Variants in ABCA12 observed in about 807,000 individuals in gnomAD.
ABCA12 encodes the protein glucosylceramide transporter ABCA12.
ABCA12 carries 156 observed loss-of-function variants against 293.5 expected under a neutral mutation model. The observed-to-expected ratio is 0.53, with a 90% CI of 0.47 to 0.61. ABCA12 has a LOEUF of 0.61. Among genes scored for constraint, ABCA12 ranks in the 20% least tolerant of loss-of-function variants. The pLI, the probability that ABCA12 is intolerant of heterozygous loss-of-function variation, is 0.00. For synonymous variants in ABCA12, 1,063 were observed against 1,108.0 expected (o/e 0.96, Z 0.81); for missense variants, 2,797 against 3,090.2 (o/e 0.91, Z 2.25).
At chr2:214,973,843 T>C in intron 36 of ABCA12, 106 bp downstream of exon 36, 1 of 979,494 alleles carries the variant, frequency 1.0e-6, no homozygotes, top group South Asian at 1.3e-5. Flanking sequence ...CTAGCTTCCA[T>C]AAAATGAACT....
intron 2 of ABCA12, chr2:215,075,835 A>C (rs540585942): frequency 4.8e-6 from 2 of 420,788 alleles, no homozygotes; most frequent in Admixed American, 4.3e-5. Flanking sequence ...TATGGTGTAA[A>C]ACTAAAAGCC....
chr2:215,052,640 G>T, intron 4 of ABCA12, 56 bp from the exon 5 acceptor site: 1 of 1,398,254 alleles, frequency 7.2e-7, no homozygotes. Context: ...CAAATGCACA[G>T]GACCACATGA....
intron 2 of ABCA12, among the ~76,000 whole-genome samples, chr2:215,070,633 T>C (rs1270938929): frequency 6.7e-6 from 1 of 148,914 alleles, no homozygotes; most frequent in African/African-American, 2.5e-5. Context: ...GAACATGCGG[T>C]GTTTGTTTTT....
chr2:215,118,755 A>G lies in ABCA12; in HGVS notation c.70-7065T>C, dbSNP rs929067944. On this transcript the variant is annotated intron_variant, in intron 1 of 52. Coordinates refer to ENST00000272895, the MANE Select transcript of ABCA12 (RefSeq NM_173076.3). Reference sequence around the variant, plus strand: ...AATTACAGCTAATTTGCATTTCTCTATGATTAGTGAGGATGAGCATTCTTA... The same window carrying G: ...AATTACAGCTAATTTGCATTTCTCTGTGATTAGTGAGGATGAGCATTCTTA... 7.2e-5 allele frequency among the ~76,000 whole-genome samples: 11 copies of G among 152,286 alleles called. No individual in the cohort carries two copies. In the East Asian group the frequency reaches 1.9e-3, roughly 27 times the overall value.
At chr2:215,066,429 T>A (rs1251933754) in intron 2 of ABCA12, among the ~76,000 whole-genome samples, 1 of 152,004 alleles carries the variant, frequency 6.6e-6, no homozygotes, top group Non-Finnish European at 1.5e-5. Flanking sequence ...AAAAGCCATA[T>A]TGCAATACAA....
rs1431871675 is a variant in ABCA12 at position 215,064,326 on chromosome 2, T to C, written c.164-107A>G. 3.3e-6 allele frequency: 4 copies of C among 1,204,126 alleles called. No individual in the cohort carries two copies. The East Asian group carries it at 1.0e-4, about 30-fold the overall frequency. 74.6% of individuals were successfully genotyped at this position (1,204,126 alleles called of 1,614,324 possible). ...AAGTTAACCTCCTGGATTACCACTC[T>C]CCGGGTCCCCCAACTGAGCCCCAAC... On this transcript the variant is annotated intron_variant, in intron 2 of 52. Transcript: ENST00000272895.
At chr2:214,957,610 G>T (rs145613772) in intron 41 of ABCA12, among the ~76,000 whole-genome samples, 2 of 152,124 alleles carry the variant, frequency 1.3e-5, no homozygotes, top group Admixed American at 6.5e-5. Context: ...CCTTTAAGCC[G>T]ATGATCTTGA....
rs563813333 is a variant in ABCA12, at chr2:215,107,259, C to T, written c.163+4338G>A. On this transcript the variant is annotated intron_variant, in intron 2 of 52. Coordinates refer to ENST00000272895, the MANE Select transcript of ABCA12 (RefSeq NM_173076.3). ...TTAAAGGGAGACAAAATAAGCTTGC[C>T]GCACATTACAGCTTGGCTTAGTCTA... 7.2e-5 allele frequency among the ~76,000 whole-genome samples: 11 copies of T among 152,212 alleles called. No homozygotes were observed. The East Asian group carries it at 1.5e-3, about 21-fold the overall frequency.
At chr2:214,939,013 TA>T (rs1343735038) in intron 50 of ABCA12, among the ~76,000 whole-genome samples, 1 of 152,226 alleles carries the variant, frequency 6.6e-6, no homozygotes, top group Non-Finnish European at 1.5e-5. Flanking sequence ...TTTGGTGTTT[TA>T]GTCATGAAGT....
intron 2 of ABCA12, among the ~76,000 whole-genome samples, chr2:215,079,156 C>A: frequency 6.6e-6 from 1 of 152,286 alleles, no homozygotes; most frequent in African/African-American, 2.4e-5. Context: ...GCAGAGATAA[C>A]AGATACTAAA....
chr2:214,986,748 A>G lies in ABCA12; in HGVS notation c.3977-20T>C. 2 of 1,611,512 alleles carry G rather than the reference A, an allele frequency of 1.2e-6. No individual in the cohort carries two copies. The highest frequency in any genetic ancestry group is 1.7e-6 in the Non-Finnish European group (2 of 1,177,612). On this transcript the variant is annotated intron_variant, in intron 27 of 52. Coordinates refer to ENST00000272895, the MANE Select transcript of ABCA12 (RefSeq NM_173076.3). ...CAGGACCTGGAGAGAAATCAAGGGA[A>G]GAGTTGTAAACTCACAAGTAAGGTA...
chr2:215,049,604 T>C lies in ABCA12; in HGVS notation c.693+22A>G, dbSNP rs762659558. ...CTTTAATTCATGTTGAGTCACTTTG[T>C]GGATCAAAGATCTACACTCACCTGG... is the stretch of plus-strand genomic sequence containing the variant. On this transcript the variant is annotated intron_variant, in intron 6 of 52. Transcript: ENST00000272895. 3.2e-6 allele frequency: 5 copies of C among 1,583,660 alleles called. No individual in the cohort carries two copies. In the East Asian group the frequency reaches 1.1e-4, roughly 36 times the overall value.
Position 215,004,473 on chromosome 2 carries a change from G to T in ABCA12, c.2593-174C>A, listed in dbSNP as rs145919757. 8.9e-4 allele frequency among the ~76,000 whole-genome samples: 135 copies of T among 152,322 alleles called. 1 individual carries two copies. Among genetic ancestry groups the T allele is most frequent in the Admixed American group, 2.1e-3 (32 of 15,294 alleles). ...GAAGAAAAGAGAAGATTGGGGGTTG[G>T]TAATGACTTGACAGGCTGGGCTGTT... On this transcript the variant is annotated intron_variant, in intron 19 of 52. Transcript: ENST00000272895.
intron 3 of ABCA12, among the ~76,000 whole-genome samples, chr2:215,056,400 A>G (rs1291724493): frequency 2.6e-5 from 4 of 152,110 alleles, no homozygotes; most frequent in Admixed American, 2.6e-4. Flanking sequence ...CTTGCTCAAC[A>G]GTAAAATGAC....
At chr2:215,130,890 T>A (rs1266712103) in intron 1 of ABCA12, among the ~76,000 whole-genome samples, 1 of 152,060 alleles carries the variant, frequency 6.6e-6, no homozygotes, top group African/African-American at 2.4e-5. Flanking sequence ...CATATATGAC[T>A]GTTATTATTT....
chr2:214,949,397 C>CAT (rs1698684366), intron 45 of ABCA12, among the ~76,000 whole-genome samples: 1 of 151,534 alleles, frequency 6.6e-6, no homozygotes, highest in African/African-American at 2.4e-5. Flanking sequence ...CACACACACA[C>CAT]ACACACAGGA....
At chr2:214,937,389 G>T (rs1407460089) in intron 51 of ABCA12, 121 bp downstream of exon 51, 1 of 693,048 alleles carries the variant, frequency 1.4e-6, no homozygotes, top group Non-Finnish European at 2.5e-6. Context: ...TGTAGAGACG[G>T]GGTTTCACCA....
chr2:214,956,708 C>T lies in ABCA12; in HGVS notation c.6188G>A (p.Ser2063Asn). Residue 2063 changes from serine (S) to asparagine (N), a missense_variant, in exon 42 of 53, where the codon AGT becomes AAT. By Grantham distance (46) the Ser-to-Asn change is conservative. Coordinates refer to ENST00000272895, the MANE Select transcript of ABCA12 (RefSeq NM_173076.3). ...AGATACAGCGCCTAGGTTGTTTTCACTGTAGAATGCAGGTAATTTGAAAAT... is the reference window on the plus strand; with the variant it reads ...AGATACAGCGCCTAGGTTGTTTTCATTGTAGAATGCAGGTAATTTGAAAAT... ...IAIFKLPAFY[S>N]ENNLGAVSLL... 6.2e-7 allele frequency: 1 copy of T among 1,613,588 alleles called. No individual in the cohort carries two copies. Among genetic ancestry groups the T allele is most frequent in the Middle Eastern group, 1.7e-4 (1 of 6,056 alleles).
rs779839539 is a variant in ABCA12, at chr2:214,989,614, A to G, written c.3632T>C (p.Leu1211Pro). 8 of 1,613,880 alleles carry G rather than the reference A, an allele frequency of 5.0e-6. No homozygotes were observed. The African/African-American group carries it at 1.1e-4, about 22-fold the overall frequency. ...TGCATAGCTGAATGCTGTTGGGGAC[A>G]GCAGGCTCTGTGAAGAAAGGAAACG... ...SYVLKVFMSL[L>P]SPTAFSYASQ... is the part of the protein sequence containing the mutation. The change falls in exon 25 of 53, where the codon CTG becomes CCG. Residue 1211 changes from leucine (L) to proline (P), a missense_variant. Physicochemically the swap from Leu to Pro is moderately conservative, Grantham distance 98. Around this residue, in one of 3 missense-constraint regions of ABCA12, gnomAD observed 2,130 missense variants for 2,427.0 expected, o/e 0.88. Coordinates refer to ENST00000272895, the MANE Select transcript of ABCA12 (RefSeq NM_173076.3).
Sources: gnomAD v4.1 joint callset for allele counts (sites outside exome capture counted in the v4.1 genomes callset) on GRCh38, gnomAD v4.1.1 for gene constraint, gnomAD v4.1.1 regional missense constraint, MANE v1.5 for transcripts, NCBI Gene and HGNC (gene_info 2026-07-23, HGNC 2026-07-21) for gene names.